The following ROBO2 variants were observed in gnomAD, a reference collection of about 807,000 sequenced individuals.
The protein encoded by ROBO2 is roundabout guidance receptor 2.
Under a neutral mutation model 160.8 loss-of-function variants are expected in ROBO2, and 53 were observed. The observed-to-expected ratio is 0.33, with a 90% confidence interval of 0.26 to 0.41. The LOEUF (loss-of-function observed/expected upper bound fraction) is 0.41. Among genes scored for constraint, ROBO2 ranks in the 10% least tolerant of loss-of-function variants. The pLI is 1.00. For synonymous variants in ROBO2, 664 were observed against 611.7 expected (o/e 1.09, Z -1.26); for missense variants, 1,577 against 1,722.4 (o/e 0.92, Z 1.49).
intron 2 of ROBO2, among the ~76,000 whole-genome samples, chr3:76,092,130 A>G (rs925547452): frequency 6.6e-6 from 1 of 152,076 alleles, no homozygotes; most frequent in Non-Finnish European, 1.5e-5. Context: ...CTGATGTGGG[A>G]TATGTGGGAT....
intron 2 of ROBO2, among the ~76,000 whole-genome samples, chr3:76,910,743 AAG>A (rs1491524623): frequency 0.23 from 24,435 of 104,924 alleles, 3,448 homozygotes; most frequent in Non-Finnish European, 0.25. Context: ...AAAAAAAAAA[AAG>A]AAAAAAAAAG....
chr3:76,690,338 C>A (rs1166411771), intron 2 of ROBO2, among the ~76,000 whole-genome samples: 16 of 151,908 alleles, frequency 1.1e-4, no homozygotes, highest in Non-Finnish European at 2.4e-4. Flanking sequence ...AGACATGGGG[C>A]CTGGAAGAGG....
At chr3:77,050,965 CTGTGAGTACA>C (rs1439275366) in intron 1 of ROBO2, among the ~76,000 whole-genome samples, 4 of 150,334 alleles carry the variant, frequency 2.7e-5, no homozygotes, top group Non-Finnish European at 5.9e-5. Flanking sequence ...CTGCAGTGAG[CTGTGAGTACA>C]CCACTGCATT....
chr3:76,124,579 CT>C (rs542403313), intron 2 of ROBO2, among the ~76,000 whole-genome samples: 252 of 152,084 alleles, frequency 1.7e-3, no homozygotes, highest in African/African-American at 5.8e-3. Context: ...ACATCATTTT[CT>C]TTTTTTCATT....
intron 2 of ROBO2, among the ~76,000 whole-genome samples, chr3:76,794,554 C>T (rs554186311): frequency 5.8e-4 from 88 of 152,018 alleles, no homozygotes; most frequent in African/African-American, 1.9e-3. Context: ...TTTTCTCTGT[C>T]TGAACAATCT....
At chr3:77,431,996 T>G (rs1006161931) in intron 2 of ROBO2, among the ~76,000 whole-genome samples, 1 of 152,174 alleles carries the variant, frequency 6.6e-6, no homozygotes, top group African/African-American at 2.4e-5. Flanking sequence ...TGACTTAGGT[T>G]GGATATTGAT....
intron 2 of ROBO2, among the ~76,000 whole-genome samples, chr3:77,254,103 AAAAT>A (rs1287421212): frequency 2.0e-5 from 3 of 152,178 alleles, no homozygotes; most frequent in Non-Finnish European, 4.4e-5. Context: ...TATCTCTACA[AAAAT>A]AAATAAATAT....
chr3:77,139,928 A>G (rs1040610570), intron 2 of ROBO2, among the ~76,000 whole-genome samples: 2 of 152,186 alleles, frequency 1.3e-5, no homozygotes, highest in Non-Finnish European at 2.9e-5. Flanking sequence ...TGTCAACACC[A>G]AAACTCAGAG....
At chr3:76,874,598 G>T (rs1242378570) in intron 2 of ROBO2, among the ~76,000 whole-genome samples, 1 of 152,148 alleles carries the variant, frequency 6.6e-6, no homozygotes, top group Non-Finnish European at 1.5e-5. Context: ...CAAAGACTCA[G>T]GGGTGAGGAG....
chr3:76,413,856 T>C (rs930372002), intron 2 of ROBO2, among the ~76,000 whole-genome samples: 20 of 152,264 alleles, frequency 1.3e-4, no homozygotes, highest in African/African-American at 4.8e-4. Flanking sequence ...TTTTCAGCAA[T>C]GCCCCACTCT....
At chr3:76,913,306 G>A (rs557238934) in intron 2 of ROBO2, among the ~76,000 whole-genome samples, 1 of 152,180 alleles carries the variant, frequency 6.6e-6, no homozygotes, top group South Asian at 2.1e-4. Flanking sequence ...TCGTCATTAC[G>A]GAGGGAGTCA....
chr3:77,242,933 G>T (rs1426676515), intron 2 of ROBO2, among the ~76,000 whole-genome samples: 1 of 151,340 alleles, frequency 6.6e-6, no homozygotes, highest in East Asian at 1.9e-4. Flanking sequence ...ATCAGAAAAG[G>T]AAAGAGAGAG....
intron 2 of ROBO2, among the ~76,000 whole-genome samples, chr3:76,816,398 TCAA>T (rs531906733): frequency 5.9e-5 from 9 of 152,172 alleles, no homozygotes; most frequent in African/African-American, 2.2e-4. Context: ...TACAGAATTA[TCAA>T]CAAGAAATGC....
chr3:76,092,696 C>T (rs977518325), intron 2 of ROBO2, among the ~76,000 whole-genome samples: 3 of 152,126 alleles, frequency 2.0e-5, no homozygotes, highest in Admixed American at 6.6e-5. Flanking sequence ...CAGCTACATA[C>T]TTTGTAAAAT....
chr3:76,505,827 C>T (rs915523511), intron 2 of ROBO2, among the ~76,000 whole-genome samples: 1 of 152,050 alleles, frequency 6.6e-6, no homozygotes. Context: ...TTGTTACTGT[C>T]CCCCAGGAAA....
At chr3:77,397,485 T>C (rs1232746262) in intron 2 of ROBO2, among the ~76,000 whole-genome samples, 5 of 152,178 alleles carry the variant, frequency 3.3e-5, no homozygotes, top group African/African-American at 1.2e-4. Flanking sequence ...GTCTCTCTTC[T>C]GGTTGGCAGC....
chr3:77,417,986 G>T (rs1015984652), intron 2 of ROBO2, among the ~76,000 whole-genome samples: 5 of 151,506 alleles, frequency 3.3e-5, no homozygotes, highest in Admixed American at 3.3e-4. Context: ...CTTTATTATT[G>T]ACTAAAGTCT....
intron 2 of ROBO2, among the ~76,000 whole-genome samples, chr3:76,288,670 C>G (rs534667206): frequency 6.6e-6 from 1 of 152,194 alleles, no homozygotes; most frequent in South Asian, 2.1e-4. Context: ...GCCCCAGTGT[C>G]TATTGTTCCC....
chr3:76,832,874 A>C (rs542580360), intron 2 of ROBO2, among the ~76,000 whole-genome samples: 3 of 152,254 alleles, frequency 2.0e-5, no homozygotes, highest in East Asian at 3.9e-4. Context: ...GGCATGTTTT[A>C]GAAGTATATA....
Sources: allele counts gnomAD v4.1 joint callset (sites outside exome capture counted in the v4.1 genomes callset), GRCh38; gene constraint gnomAD v4.1.1; transcripts MANE v1.5; gene names NCBI Gene and HGNC (gene_info 2026-07-23, HGNC 2026-07-21).